Variants in SNX25 observed in about 807,000 individuals in gnomAD.
SNX25 encodes the protein sorting nexin 25, also known as sorting nexin-25.
Under a neutral mutation model 113.7 loss-of-function variants are expected in SNX25, and 62 were observed. The ratio of observed to expected loss-of-function variants is 0.55; its 90% CI spans 0.44 to 0.67. SNX25 has a LOEUF of 0.67. Ranked by LOEUF, SNX25 falls within the 30% of genes least tolerant of loss-of-function variation. SNX25 has a pLI of 0.00. For missense variants in SNX25, 1,014 were observed against 1,161.0 expected, an observed-to-expected ratio of 0.87 and a Z score of 1.84; for synonymous variants, 421 against 436.2, an observed-to-expected ratio of 0.97 and a Z score of 0.43.
chr4:185,240,649 G>A (rs1166055404), intron 1 of SNX25, among the ~76,000 whole-genome samples: 1 of 150,230 alleles, frequency 6.7e-6, no homozygotes, highest in African/African-American at 2.5e-5. Flanking sequence ...TGGGCGGGGG[G>A]CTAACCCCCC....
intron 9 of SNX25, among the ~76,000 whole-genome samples, chr4:185,324,935 T>C (rs1242370043): frequency 1.3e-5 from 2 of 152,192 alleles, no homozygotes; most frequent in Non-Finnish European, 2.9e-5. Flanking sequence ...GAAATAGCTG[T>C]AATCCTGTCA....
intron 3 of SNX25, among the ~76,000 whole-genome samples, chr4:185,261,042 A>G (rs1237548604): frequency 6.6e-6 from 1 of 152,010 alleles, no homozygotes; most frequent in Non-Finnish European, 1.5e-5. Context: ...GAATTCAGGG[A>G]AAGCTCATTT....
chr4:185,230,036 C>G (rs1164485968), intron 1 of SNX25, among the ~76,000 whole-genome samples: 2 of 152,118 alleles, frequency 1.3e-5, no homozygotes, highest in African/African-American at 2.4e-5. Context: ...CGCCATGTTG[C>G]CCAGGCTGGG....
At chr4:185,371,562 AAG>A (rs1437469427), downstream of SNX25, among the ~76,000 whole-genome samples, 7 of 141,794 alleles carry the variant, frequency 4.9e-5, no homozygotes, top group East Asian at 1.9e-4. Context: ...AAAAAAAAAA[AAG>A]GATAATGGAA....
chr4:185,279,053 TAAAA>T (rs1220980430), intron 5 of SNX25, among the ~76,000 whole-genome samples: 2 of 151,948 alleles, frequency 1.3e-5, no homozygotes, highest in Non-Finnish European at 2.9e-5. Flanking sequence ...TTTAGGAAGA[TAAAA>T]ATATAGATAA....
chr4:185,241,669 C>T (rs1189343282), intron 1 of SNX25, among the ~76,000 whole-genome samples: 1 of 151,832 alleles, frequency 6.6e-6, no homozygotes, highest in Non-Finnish European at 1.5e-5. Flanking sequence ...GATACGCATA[C>T]TGAAAACTTA....
At chr4:185,214,864 T>C (rs11132293) in intron 1 of SNX25, among the ~76,000 whole-genome samples, 90,261 of 152,038 alleles carry the variant, frequency 0.59, 27,988 homozygotes, top group East Asian at 0.76. Context: ...ATCCAACTGA[T>C]ATTTTTAGGT....
chr4:185,282,924 C>T (rs1473292270), intron 5 of SNX25, among the ~76,000 whole-genome samples: 1 of 152,080 alleles, frequency 6.6e-6, no homozygotes, highest in Non-Finnish European at 1.5e-5. Context: ...AGCCCGTGTC[C>T]CCGTGTCCTC....
chr4:185,372,771 T>G, downstream of SNX25: 1 of 1,187,960 alleles, frequency 8.4e-7, no homozygotes, highest in Non-Finnish European at 1.2e-6. Flanking sequence ...CCTCTGGAAC[T>G]GTGAGAAATA....
At chr4:185,337,624 T>G (rs2095238429) in intron 10 of SNX25, among the ~76,000 whole-genome samples, 1 of 152,188 alleles carries the variant, frequency 6.6e-6, no homozygotes. Context: ...GTAGTAGAAT[T>G]GCTGGGTTCT....
At chr4:185,208,833 C>T (rs886089698), upstream of SNX25, among the ~76,000 whole-genome samples, 4 of 152,166 alleles carry the variant, frequency 2.6e-5, no homozygotes, top group Non-Finnish European at 4.4e-5. Context: ...CAGTAATTGC[C>T]AGTGTTTAAG....
chr4:185,300,025 T>G (rs1365533409), intron 6 of SNX25, among the ~76,000 whole-genome samples: 5 of 152,150 alleles, frequency 3.3e-5, no homozygotes, highest in Non-Finnish European at 7.4e-5. Flanking sequence ...GTAATTAGAG[T>G]TTTTAAAGTG....
At chr4:185,367,780 T>C (rs2095395118), downstream of SNX25, among the ~76,000 whole-genome samples, 1 of 152,184 alleles carries the variant, frequency 6.6e-6, no homozygotes, top group Admixed American at 6.5e-5. Flanking sequence ...GGTATTTGCT[T>C]GGTTGCTTCC....
rs183077027 is a variant in SNX25, at chr4:185,247,341, A to C, written c.477A>C (p.Val159=). 6.5e-4 allele frequency: 1,048 copies of C among 1,611,330 alleles called. 13 individuals carry two copies. The African/African-American group carries it at 0.013, about 20-fold the overall frequency. Residue 159 remains valine (V), a synonymous_variant, in exon 2 of 19, where the codon GTA becomes GTC. Transcript: ENST00000652585. ...ATGAGTCAGCTCAGTCTAGAAGGGT[A>C]GTAATTTCTCATAATATGGATAAAG... ...NSHESAQSRR[V]VISHNMDKAL...
the SNX25 span, chr4:185,377,370 T>G: frequency 1.0e-5 from 2 of 199,734 alleles, no homozygotes; most frequent in African/African-American, 2.3e-5. Context: ...AATGCAAAAT[T>G]AGCAGGGCGT....
At chr4:185,349,077 C>CG (rs2095302596) in intron 13 of SNX25, among the ~76,000 whole-genome samples, 1 of 151,966 alleles carries the variant, frequency 6.6e-6, no homozygotes, top group Non-Finnish European at 1.5e-5. Context: ...TCATGTATAT[C>CG]GGGGGGTTCG....
intron 15 of SNX25, among the ~76,000 whole-genome samples, chr4:185,355,839 A>C (rs2095336412): frequency 6.6e-6 from 1 of 152,192 alleles, no homozygotes; most frequent in African/African-American, 2.4e-5. Context: ...GTTGATAAGA[A>C]TGAGGACACT....
chr4:185,321,410 G>A (rs1249471173), intron 8 of SNX25, among the ~76,000 whole-genome samples: 1 of 151,752 alleles, frequency 6.6e-6, no homozygotes, highest in Non-Finnish European at 1.5e-5. Context: ...TTACAGGTGT[G>A]TGCTACCACA....
rs71593611 is a variant in SNX25 at position 185,212,291 on chromosome 4, TA to T, written c.429+2049del. On this transcript the variant is annotated intron_variant, in intron 1 of 18. Coordinates refer to ENST00000652585, the MANE Select transcript of SNX25 (RefSeq NM_001378034.2). ...CTGTGCCTGGCCTAACCCTGCCTCT[TA>T]AAAAAAAAAAAATTTTTTTTTAAAT... is the stretch of plus-strand genomic sequence containing the variant. Among the ~76,000 whole-genome samples the T allele has an allele frequency of 2.5e-4, 37 of 145,764 alleles. 1 individual carries two copies. The highest frequency in any genetic ancestry group is 8.2e-4 in the East Asian group (4 of 4,904).
Sources: gnomAD v4.1 joint callset for allele counts (sites outside exome capture counted in the v4.1 genomes callset) on GRCh38, gnomAD v4.1.1 for gene constraint, MANE v1.5 for transcripts, NCBI Gene and HGNC (gene_info 2026-07-23, HGNC 2026-07-21) for gene names.